NCOA6: variants seen among roughly 807,000 people sequenced by gnomAD.
The protein encoded by NCOA6 is NRC RAP250.
NCOA6 carries 49 observed loss-of-function variants against 171.4 expected under a neutral mutation model. That is an observed-to-expected ratio of 0.29 (90% CI 0.23 to 0.36). The LOEUF (loss-of-function observed/expected upper bound fraction) is 0.36. Among genes scored for constraint, NCOA6 ranks in the 10% least tolerant of loss-of-function variants. NCOA6 has a pLI of 1.00. For missense variants in NCOA6, 2,248 were observed against 2,554.5 expected, an observed-to-expected ratio of 0.88 and a Z score of 2.59; for synonymous variants, 910 against 927.5, an observed-to-expected ratio of 0.98 and a Z score of 0.34.
chr20:34,792,053 C>T (rs1235096009), intron 2 of NCOA6, among the ~76,000 whole-genome samples: 2 of 152,150 alleles, frequency 1.3e-5, no homozygotes, highest in Non-Finnish European at 1.5e-5. Flanking sequence ...TAGCTCACCT[C>T]AGATCTAAAT....
chr20:34,785,120 T>C (rs902873559), intron 2 of NCOA6, among the ~76,000 whole-genome samples: 31 of 152,196 alleles, frequency 2.0e-4, no homozygotes, highest in African/African-American at 7.5e-4. Context: ...AAATTACTAC[T>C]GACTAAACTT....
At chr20:34,808,058 G>A (rs1157204030) in intron 1 of NCOA6, among the ~76,000 whole-genome samples, 16 of 151,656 alleles carry the variant, frequency 1.1e-4, no homozygotes, top group African/African-American at 2.4e-5. Flanking sequence ...GCTGAGGCAC[G>A]AGAATCGCTT....
intron 3 of NCOA6, among the ~76,000 whole-genome samples, chr20:34,778,890 C>A (rs1251715021): frequency 6.9e-6 from 1 of 144,554 alleles, no homozygotes; most frequent in East Asian, 2.1e-4. Context: ...ACCCGGGAGA[C>A]GGAGCTTGCA....
chr20:34,798,272 T>C (rs1442759817), intron 1 of NCOA6, among the ~76,000 whole-genome samples: 1 of 152,150 alleles, frequency 6.6e-6, no homozygotes, highest in African/African-American at 2.4e-5. Context: ...GACTTTGTCT[T>C]GTTACTTGGG....
Position 34,741,821 on chromosome 20 carries a change from A to G in NCOA6, c.4435T>C (p.Leu1479=). 6.2e-7 allele frequency: 1 copy of G among 1,614,156 alleles called. No individual in the cohort carries two copies. Among genetic ancestry groups the G allele is most frequent in the Non-Finnish European group, 8.5e-7 (1 of 1,180,024 alleles). The change falls in exon 11 of 15, where the codon TTG becomes CTG. Residue 1479 remains leucine (L), a synonymous_variant. Coordinates refer to ENST00000359003, the MANE Select transcript of NCOA6 (RefSeq NM_014071.5). ...KLPSVEENKN[L]VSPAMREAPT... ...GCTTCCCTCATAGCAGGAGACACCA[A>G]ATTTTTGTTCTCTTCGACACTGGGA...
chr20:34,804,118 C>T (rs191724201), intron 1 of NCOA6, among the ~76,000 whole-genome samples: 15 of 152,224 alleles, frequency 9.9e-5, no homozygotes, highest in Non-Finnish European at 1.3e-4. Flanking sequence ...AGGCAGATCA[C>T]CTGAGGTCGG....
intron 4 of NCOA6, 91 bp from the exon 5 acceptor site, chr20:34,768,677 T>C: frequency 6.9e-7 from 1 of 1,444,414 alleles, no homozygotes; most frequent in South Asian, 1.3e-5. Flanking sequence ...TAGTTTTCTG[T>C]GCTTTTGAAG....
At chr20:34,746,515 T>C (rs1474745159) in intron 10 of NCOA6, among the ~76,000 whole-genome samples, 1 of 152,190 alleles carries the variant, frequency 6.6e-6, no homozygotes, top group African/African-American at 2.4e-5. Flanking sequence ...AGTGCTGTGA[T>C]TACAGGTGGA....
At chr20:34,775,691 A>G (rs1020672432) in intron 4 of NCOA6, among the ~76,000 whole-genome samples, 1 of 27,048 alleles carries the variant, frequency 3.7e-5, no homozygotes, top group African/African-American at 1.5e-4. Flanking sequence ...AAAAAAAAAA[A>G]AGAAAAAAAA....
Position 34,806,190 on chromosome 20 carries a change from C to G in NCOA6, c.-163-13627G>C, listed in dbSNP as rs189908451. Among the ~76,000 whole-genome samples, 235 of 152,288 alleles carry G rather than the reference C, an allele frequency of 1.5e-3. 1 individual carries two copies. The highest frequency in any genetic ancestry group is 5.5e-3 in the African/African-American group (227 of 41,564). On this transcript the variant is annotated intron_variant, in intron 1 of 14. Transcript: ENST00000359003. ...GTAATGTTAAGCAGATTTTCATATA[C>G]TTGCTGACAATTTTACATTTTCTTT...
Position 34,822,149 on chromosome 20 carries a change from C to T in NCOA6, c.-164+3323G>A, listed in dbSNP as rs142328424. Among the ~76,000 whole-genome samples the T allele has an allele frequency of 3.4e-3, 512 of 152,182 alleles. 4 individuals are homozygous for T. Among genetic ancestry groups the T allele is most frequent in the South Asian group, 0.011 (53 of 4,814 alleles). On this transcript the variant is annotated intron_variant, in intron 1 of 14. Transcript: ENST00000359003. ...TCTGCCTTAGTTCAGATCCTCATTA[C>T]CTCTCTGGTCTTCAGTCTACCCTCC...
rs560963726 is a variant in NCOA6, at chr20:34,754,789, G to A, written c.1608C>T (p.Thr536=). 2 of 1,614,174 alleles carry A rather than the reference G, an allele frequency of 1.2e-6. No homozygotes were observed. The highest frequency in any genetic ancestry group is 2.2e-5 in the East Asian group (1 of 44,886). Residue 536 remains threonine (T), a synonymous_variant, in exon 8 of 15, where the codon ACC becomes ACT. Coordinates refer to ENST00000359003, the MANE Select transcript of NCOA6 (RefSeq NM_014071.5). ...CTGAATTCCCAGGGGTGGTTGCTGT[G>A]GTCGAAGGCACCTGACCTTGCATAA... ...PNFMQGQVPS[T]TATTPGNSGA... is the part of the protein sequence containing the mutation.
chr20:34,820,483 G>T (rs2078974358), intron 1 of NCOA6: 1 of 151,556 alleles, frequency 6.6e-6, no homozygotes. Context: ...TTTAAAATAA[G>T]CAACAGGCCA....
intron 1 of NCOA6, among the ~76,000 whole-genome samples, chr20:34,808,602 C>T (rs141600756): frequency 6.6e-6 from 1 of 152,142 alleles, no homozygotes; most frequent in East Asian, 1.9e-4. Context: ...CCACGCCTGG[C>T]TAATTTTGTA....
intron 5 of NCOA6, among the ~76,000 whole-genome samples, chr20:34,760,069 G>T (rs934002779): frequency 1.3e-5 from 2 of 152,090 alleles, no homozygotes; most frequent in Non-Finnish European, 2.9e-5. Flanking sequence ...CTTGAGGCCA[G>T]GAGTTTGAGA....
At chr20:34,773,725 T>C (rs1427196543) in intron 4 of NCOA6, among the ~76,000 whole-genome samples, 1 of 152,234 alleles carries the variant, frequency 6.6e-6, no homozygotes, top group Admixed American at 6.5e-5. Context: ...GGTTTCACCA[T>C]GTTGGCCAGG....
chr20:34,793,083 T>A (rs2077947850), intron 1 of NCOA6, among the ~76,000 whole-genome samples: 1 of 152,014 alleles, frequency 6.6e-6, no homozygotes, highest in African/African-American at 2.4e-5. Flanking sequence ...GCCCCCAGCC[T>A]TTTTTGAGAT....
intron 5 of NCOA6, among the ~76,000 whole-genome samples, chr20:34,760,101 G>T (rs561594497): frequency 6.6e-6 from 1 of 152,036 alleles, no homozygotes; most frequent in South Asian, 2.1e-4. Context: ...AACATAGAAA[G>T]ACCCCATCTC....
Position 34,715,328 on chromosome 20 carries a change from G to A in NCOA6, c.6186C>T (p.Ser2062=), listed in dbSNP as rs1257418884. ...AAGTCGCAGTCCTGCTTGTTTACTT[G>A]GATTTTCTTCGCTTGGATTGCACCG... The part of the protein sequence containing the change: ...TSAVQSKRRK[S]K Residue 2062 remains serine, a synonymous_variant, in exon 15 of 15, where the codon TCC becomes TCT. Coordinates refer to ENST00000359003, the MANE Select transcript of NCOA6 (RefSeq NM_014071.5). 6.2e-7 allele frequency: 1 copy of A among 1,613,980 alleles called. No individual in the cohort carries two copies. The highest frequency in any genetic ancestry group is 2.2e-5 in the East Asian group (1 of 44,870).
Sources: allele counts gnomAD v4.1 joint callset (sites outside exome capture counted in the v4.1 genomes callset), GRCh38; gene constraint gnomAD v4.1.1; transcripts MANE v1.5; gene names NCBI Gene and HGNC (gene_info 2026-07-23, HGNC 2026-07-21).